KIRREL3: variants seen among roughly 807,000 people sequenced by gnomAD.
KIRREL3 encodes the protein kin of IRRE-like protein 3.
A neutral mutation model predicts 89.7 loss-of-function variants in KIRREL3; 36 were observed. The ratio of observed to expected loss-of-function variants is 0.40; its 90% confidence interval spans 0.31 to 0.53. The LOEUF is 0.53. Ranked by LOEUF, KIRREL3 falls within the 20% of genes least tolerant of loss-of-function variation. KIRREL3 has a pLI of 0.49. For missense variants in KIRREL3, 864 were observed against 1,056.6 expected (o/e 0.82, Z 2.53); for synonymous variants, 445 against 441.4 (o/e 1.01, Z -0.10).
intron 1 of KIRREL3, among the ~76,000 whole-genome samples, chr11:126,865,529 G>A (rs997558054): frequency 6.6e-6 from 1 of 152,222 alleles, no homozygotes; most frequent in African/African-American, 2.4e-5. Flanking sequence ...AGAATCCCAT[G>A]GGGGTGGGGA....
In KIRREL3 at chr11:126,671,960, A is replaced by C. The variant is rs565328864; in HGVS notation, c.56-109048T>G. Among the ~76,000 whole-genome samples, 3 of 152,366 alleles carry C rather than the reference A, an allele frequency of 2.0e-5. No homozygotes were observed. The South Asian group carries it at 6.2e-4, about 32-fold the overall frequency. On this transcript the variant is annotated intron_variant, in intron 1 of 16. Transcript: ENST00000525144. ...CTGATTTGAAAACTTACGTGCACAC[A>C]AAAACCTCCACGAGAAGGTTTATAG...
At position 126,492,035 on chromosome 11, in the gene KIRREL3, T is replaced by C. The variant is rs1957532026; in HGVS notation, c.434-18569A>G. Among the ~76,000 whole-genome samples the C allele has an allele frequency of 6.6e-6, 1 of 152,144 alleles. No homozygotes were observed. The highest frequency in any genetic ancestry group is 1.9e-4 in the East Asian group (1 of 5,186). On this transcript the variant is annotated intron_variant, in intron 4 of 16. Transcript: ENST00000525144. The surrounding 1 kb of genome is among the most constrained non-coding windows in gnomAD (Gnocchi z 4.8). Reference sequence around the variant, plus strand: ...GTATTGATAGAGGGATTTCAGAATCTGGACTTTTATTGTCTCACTTCCCTT... The same window carrying C: ...GTATTGATAGAGGGATTTCAGAATCCGGACTTTTATTGTCTCACTTCCCTT...
rs1226005102 is a variant in KIRREL3 at position 126,814,857 on chromosome 11, T to C, written c.55+185598A>G. On this transcript the variant is annotated intron_variant, in intron 1 of 16. Transcript: ENST00000525144. This position sits in a 1 kb window ranked among gnomAD's most constrained non-coding sequence, Gnocchi z 4.4. ...TGGGTGATGGTGGTGGGTTCATCGG[T>C]GCAGCGAACCACCATGGCACACGTA... 6.6e-6 allele frequency among the ~76,000 whole-genome samples: 1 copy of C among 152,098 alleles called. No homozygotes were observed. The highest frequency in any genetic ancestry group is 1.9e-4 in the East Asian group (1 of 5,188).
Position 126,551,126 on chromosome 11 carries a change from G to T in KIRREL3, c.133+11709C>A, listed in dbSNP as rs1337514726. 6.6e-6 allele frequency among the ~76,000 whole-genome samples: 1 copy of T among 152,148 alleles called. No homozygotes were observed. Among genetic ancestry groups the T allele is most frequent in the African/African-American group, 2.4e-5 (1 of 41,420 alleles). ...ACAAAGAATACAGATGAAGAGATTG[G>T]GGGGAAGGGGCAGGAGCTTCCACGC... On this transcript the variant is annotated intron_variant, in intron 2 of 16. Coordinates refer to ENST00000525144, the MANE Select transcript of KIRREL3 (RefSeq NM_032531.4). This position sits in a 1 kb window ranked among gnomAD's most constrained non-coding sequence, Gnocchi z 4.9.
At chr11:126,494,911 C>A (rs1405325822) in intron 4 of KIRREL3, among the ~76,000 whole-genome samples, 1 of 152,370 alleles carries the variant, frequency 6.6e-6, no homozygotes, top group East Asian at 1.9e-4. Flanking sequence ...CTTAATCAGG[C>A]CACAAGGGCC....
chr11:126,610,785 T>A lies in KIRREL3; in HGVS notation c.56-47873A>T, dbSNP rs1943097865. 1 of 152,180 alleles carries A rather than the reference T, an allele frequency of 6.6e-6. No individual in the cohort carries two copies. The highest frequency in any genetic ancestry group is 1.5e-5 in the Non-Finnish European group (1 of 68,030). 9.4% of individuals were successfully genotyped at this position (152,180 alleles called of 1,614,324 possible). A position where few individuals can be genotyped will look rare whatever the true frequency, so the allele number is the denominator to read the frequency against. ...AGTTTCTTTCTTAGACAGTTGAAGC[T>A]GCCTCAGTGGTCTCCCCAGATCATG... On this transcript the variant is annotated intron_variant, in intron 1 of 16. Coordinates refer to ENST00000525144, the MANE Select transcript of KIRREL3 (RefSeq NM_032531.4). This position sits in a 1 kb window ranked among gnomAD's most constrained non-coding sequence, Gnocchi z 4.6.
chr11:126,866,171 C>G (rs1424495984), intron 1 of KIRREL3, among the ~76,000 whole-genome samples: 1 of 152,170 alleles, frequency 6.6e-6, no homozygotes, highest in East Asian at 1.9e-4. Flanking sequence ...GGGAGGGAGG[C>G]CGACTGGGTT....
chr11:126,510,011 A>G (rs1265748301), intron 4 of KIRREL3, among the ~76,000 whole-genome samples: 2 of 149,442 alleles, frequency 1.3e-5, no homozygotes, highest in Non-Finnish European at 3.0e-5. Flanking sequence ...AAAAAAAAAA[A>G]AAAAAAAGAA....
intron 1 of KIRREL3, among the ~76,000 whole-genome samples, chr11:126,846,940 A>G (rs1005077646): frequency 6.7e-6 from 1 of 149,940 alleles, no homozygotes; most frequent in Non-Finnish European, 1.5e-5. Context: ...TCCATAAATT[A>G]AACATTTGAA....
chr11:126,875,038 G>A (rs1945231119), intron 1 of KIRREL3, among the ~76,000 whole-genome samples: 1 of 152,066 alleles, frequency 6.6e-6, no homozygotes. Context: ...TCCTGTAGGG[G>A]GCTCCTCATC....
At position 126,788,528 on chromosome 11, in the gene KIRREL3, C is replaced by A. The variant is rs1950547023; in HGVS notation, c.55+211927G>T. 6.6e-6 allele frequency among the ~76,000 whole-genome samples: 1 copy of A among 152,178 alleles called. No homozygotes were observed. Among genetic ancestry groups the A allele is most frequent in the African/African-American group, 2.4e-5 (1 of 41,440 alleles). On this transcript the variant is annotated intron_variant, in intron 1 of 16. Coordinates refer to ENST00000525144, the MANE Select transcript of KIRREL3 (RefSeq NM_032531.4). The surrounding 1 kb of genome is among the most constrained non-coding windows in gnomAD (Gnocchi z 4.1). ...GTGCAGCCACTTCTCAGGGTATCCA[C>A]CTGGAGAGAAGCCTGCAGCATTAAG...
intron 1 of KIRREL3, among the ~76,000 whole-genome samples, chr11:126,846,615 A>G (rs1944151189): frequency 1.3e-5 from 2 of 152,116 alleles, no homozygotes; most frequent in Admixed American, 1.3e-4. Flanking sequence ...AAAAGTAAAA[A>G]TTGCTAAGAG....
chr11:126,941,147 C>T (rs1948429700), intron 1 of KIRREL3, among the ~76,000 whole-genome samples: 1 of 152,130 alleles, frequency 6.6e-6, no homozygotes, highest in Admixed American at 6.5e-5. Flanking sequence ...AAAATTTCAT[C>T]TGCATAAAAA....
rs1317037547 is a variant in KIRREL3 at position 126,892,925 on chromosome 11, G to T, written c.55+107530C>A. Among the ~76,000 whole-genome samples, 1 of 152,178 alleles carries T rather than the reference G, an allele frequency of 6.6e-6. No homozygotes were observed. The highest frequency in any genetic ancestry group is 1.5e-5 in the Non-Finnish European group (1 of 68,038). ...TGCCTGGCATCCCTGCTGCAGAATCGGGCTAGGATAGGGCTGAGTATTCTA... is the reference window on the plus strand; with the variant it reads ...TGCCTGGCATCCCTGCTGCAGAATCTGGCTAGGATAGGGCTGAGTATTCTA... On this transcript the variant is annotated intron_variant, in intron 1 of 16. Transcript: ENST00000525144. The surrounding 1 kb of genome is among the most constrained non-coding windows in gnomAD (Gnocchi z 5.4).
Position 126,769,975 on chromosome 11 carries a change from T to A in KIRREL3, c.56-207063A>T, listed in dbSNP as rs1949967540. On this transcript the variant is annotated intron_variant, in intron 1 of 16. Transcript: ENST00000525144. This position sits in a 1 kb window ranked among gnomAD's most constrained non-coding sequence, Gnocchi z 4.3. ...TATTAGCTGTTGATTATAGTTGTTT[T>A]TCCCAGATCCCTGTATGGGCGGATG... Among the ~76,000 whole-genome samples, 1 of 152,178 alleles carries A rather than the reference T, an allele frequency of 6.6e-6. No homozygotes were observed. The highest frequency in any genetic ancestry group is 1.5e-5 in the Non-Finnish European group (1 of 68,024).
chr11:126,468,667 C>T (rs1171593948), intron 5 of KIRREL3, among the ~76,000 whole-genome samples: 1 of 152,220 alleles, frequency 6.6e-6, no homozygotes, highest in Non-Finnish European at 1.5e-5. Context: ...CTGTATGACC[C>T]CTGGGGCAGG....
chr11:126,609,250 T>A lies in KIRREL3; in HGVS notation c.56-46338A>T, dbSNP rs1413204244. ...GACTCTCCAGCCACACCTGTGAAGC[T>A]CCAGGCAGTTTCCCTAATGTCTCTC... On this transcript the variant is annotated intron_variant, in intron 1 of 16. Transcript: ENST00000525144. This position sits in a 1 kb window ranked among gnomAD's most constrained non-coding sequence, Gnocchi z 5.0. Among the ~76,000 whole-genome samples the A allele has an allele frequency of 6.6e-6, 1 of 152,142 alleles. No individual in the cohort carries two copies. Among genetic ancestry groups the A allele is most frequent in the Non-Finnish European group, 1.5e-5 (1 of 68,012 alleles).
In KIRREL3 at chr11:126,724,368, C is replaced by A. The variant is rs190807114; in HGVS notation, c.56-161456G>T. Among the ~76,000 whole-genome samples, 26 of 152,326 alleles carry A rather than the reference C, an allele frequency of 1.7e-4. No homozygotes were observed. The highest frequency in any genetic ancestry group is 5.8e-4 in the African/African-American group (24 of 41,574). On this transcript the variant is annotated intron_variant, in intron 1 of 16. Transcript: ENST00000525144. This position sits in a 1 kb window ranked among gnomAD's most constrained non-coding sequence, Gnocchi z 4.3. ...ACACGCAGATCCATGCACACCCACA[C>A]ACATGCACATGCAGACTTATTGTCA...
At chr11:126,452,638 C>A (rs7928049) in intron 7 of KIRREL3, among the ~76,000 whole-genome samples, 1,959 of 152,332 alleles carry the variant, frequency 0.013, 36 homozygotes, top group African/African-American at 0.044. Flanking sequence ...GTGGAAGCCC[C>A]ACCTGCTTGG....
Sources: allele counts gnomAD v4.1 joint callset (sites outside exome capture counted in the v4.1 genomes callset), GRCh38; gene constraint gnomAD v4.1.1; non-coding constraint Gnocchi (gnomAD v3.1); transcripts MANE v1.5; gene names NCBI Gene and HGNC (gene_info 2026-07-23, HGNC 2026-07-21).